C12orf75: variants seen among roughly 807,000 people sequenced by gnomAD.
C12orf75 encodes overexpressed in colon carcinoma 1 protein.
C12orf75 carries 4 observed loss-of-function variants against 11.4 expected under a neutral mutation model. The observed-to-expected ratio is 0.35, with a 90% CI of 0.17 to 0.80. C12orf75 has a LOEUF of 0.80. C12orf75 is among the 30% of genes least tolerant of loss of function. The pLI, the probability that C12orf75 is intolerant of heterozygous loss-of-function variation, is 0.52. For synonymous variants in C12orf75, 30 were observed against 30.0 expected (o/e 1.00, Z 0.00); for missense variants, 89 against 80.4 (o/e 1.11, Z -0.41).
chr12:105,336,132 A>G (rs1020807726), intron 1 of C12orf75, among the ~76,000 whole-genome samples: 2 of 152,260 alleles, frequency 1.3e-5, no homozygotes, highest in Non-Finnish European at 2.9e-5. Context: ...GAAGTCCTAG[A>G]GACAGAAATG....
chr12:105,364,526 C>G (rs1481691116), intron 2 of C12orf75, among the ~76,000 whole-genome samples: 3 of 152,108 alleles, frequency 2.0e-5, no homozygotes, highest in Non-Finnish European at 1.5e-5. Flanking sequence ...CTGGCTGTTG[C>G]AATAAAGCAA....
intron 1 of C12orf75, among the ~76,000 whole-genome samples, chr12:105,345,148 A>G (rs965712204): frequency 5.3e-5 from 8 of 152,120 alleles, no homozygotes; most frequent in Admixed American, 1.3e-4. Flanking sequence ...TAAGACTGAC[A>G]AAGCAGACTC....
intron 1 of C12orf75, among the ~76,000 whole-genome samples, chr12:105,339,842 G>A (rs997126447): frequency 6.6e-6 from 1 of 151,688 alleles, no homozygotes; most frequent in African/African-American, 2.4e-5. Flanking sequence ...GGATGGTCTC[G>A]ATCTCCTGAC....
intron 1 of C12orf75, among the ~76,000 whole-genome samples, chr12:105,337,540 C>T (rs1892512148): frequency 6.6e-6 from 1 of 152,124 alleles, no homozygotes; most frequent in African/African-American, 2.4e-5. Context: ...GCATCTAAAA[C>T]ATCTTTGGGC....
chr12:105,347,024 A>G (rs1892649656), intron 1 of C12orf75, among the ~76,000 whole-genome samples: 2 of 152,238 alleles, frequency 1.3e-5, no homozygotes, highest in African/African-American at 4.8e-5. Flanking sequence ...AACCTTTGAG[A>G]AAGATACCTT....
chr12:105,356,250 G>C (rs1041852271), intron 2 of C12orf75, among the ~76,000 whole-genome samples: 5 of 152,100 alleles, frequency 3.3e-5, no homozygotes, highest in Non-Finnish European at 5.9e-5. Flanking sequence ...GAGAATTGTA[G>C]TGTAGATGGA....
chr12:105,330,882 C>T lies in C12orf75; in HGVS notation c.-10C>T, dbSNP rs1344436048. 2.4e-6 allele frequency: 3 copies of T among 1,254,378 alleles called. No individual in the cohort carries two copies. Among genetic ancestry groups the T allele is most frequent in the South Asian group, 3.2e-5 (1 of 31,332 alleles). The allele number at this position is 1,254,378 out of a possible 1,614,324, so 77.7% of individuals were successfully genotyped here. ...AGCTCCGGAGCGCGGCTTCCCCGGCCGGCTGCGCGATGGGCTGCGGGAACT... is the reference window on the plus strand; with the variant it reads ...AGCTCCGGAGCGCGGCTTCCCCGGCTGGCTGCGCGATGGGCTGCGGGAACT... On this transcript the variant is annotated 5_prime_UTR_variant, in exon 1 of 6. Coordinates refer to ENST00000443585, the MANE Select transcript of C12orf75 (RefSeq NM_001145199.2).
At chr12:105,332,898 A>C (rs576073134) in intron 1 of C12orf75, among the ~76,000 whole-genome samples, 17 of 150,956 alleles carry the variant, frequency 1.1e-4, no homozygotes, top group African/African-American at 3.9e-4. Flanking sequence ...CCCTAGGAGC[A>C]TCTCTCTTAT....
intron 2 of C12orf75, among the ~76,000 whole-genome samples, chr12:105,354,875 C>T (rs964693244): frequency 2.0e-5 from 3 of 151,998 alleles, no homozygotes; most frequent in Non-Finnish European, 2.9e-5. Flanking sequence ...AAGGGAAACA[C>T]GAGGGGCTGA....
chr12:105,331,527 A>G (rs887866053), intron 1 of C12orf75, among the ~76,000 whole-genome samples: 5 of 152,020 alleles, frequency 3.3e-5, no homozygotes, highest in African/African-American at 1.2e-4. Flanking sequence ...TGCAGCAGTA[A>G]GGATGTTTTA....
At chr12:105,342,755 C>T (rs957264755) in intron 1 of C12orf75, among the ~76,000 whole-genome samples, 1 of 152,230 alleles carries the variant, frequency 6.6e-6, no homozygotes, top group African/African-American at 2.4e-5. Flanking sequence ...GCTCCTGTCA[C>T]TCATCACTCA....
At chr12:105,339,913 C>T (rs1892546684) in intron 1 of C12orf75, among the ~76,000 whole-genome samples, 1 of 151,954 alleles carries the variant, frequency 6.6e-6, no homozygotes, top group African/African-American at 2.4e-5. Flanking sequence ...AGCCACCATG[C>T]CTGGCCCTTG....
At chr12:105,356,163 G>A (rs1234140632) in intron 2 of C12orf75, among the ~76,000 whole-genome samples, 1 of 152,236 alleles carries the variant, frequency 6.6e-6, no homozygotes, top group Non-Finnish European at 1.5e-5. Context: ...TGCTAGAATG[G>A]ATTGAAACCA....
At position 105,355,568 on chromosome 12, in the gene C12orf75, G is replaced by A. The variant is rs569062132; in HGVS notation, c.71+6942G>A. Among the ~76,000 whole-genome samples the A allele has an allele frequency of 8.6e-4, 131 of 152,272 alleles. 1 individual carries two copies. In the South Asian group the frequency reaches 0.011, roughly 13 times the overall value. ...GGTGCTCTGGGGACAGTTATGGCAGGGTTTAGACTCCAGAGAGGAGAGGTT... is the reference window on the plus strand; with the variant it reads ...GGTGCTCTGGGGACAGTTATGGCAGAGTTTAGACTCCAGAGAGGAGAGGTT... On this transcript the variant is annotated intron_variant, in intron 2 of 5. Transcript: ENST00000443585.
chr12:105,355,162 C>CT (rs1892760608), intron 2 of C12orf75, among the ~76,000 whole-genome samples: 1 of 101,298 alleles, frequency 9.9e-6, no homozygotes, highest in African/African-American at 4.0e-5. Context: ...TCACGAATTT[C>CT]TTTTTCTTTT....
At chr12:105,336,486 C>T (rs895795010) in intron 1 of C12orf75, among the ~76,000 whole-genome samples, 1 of 152,144 alleles carries the variant, frequency 6.6e-6, no homozygotes, top group African/African-American at 2.4e-5. Flanking sequence ...TTGTAAGTAC[C>T]CAATATACTA....
At chr12:105,334,331 T>C (rs891215874) in intron 1 of C12orf75, among the ~76,000 whole-genome samples, 2 of 152,202 alleles carry the variant, frequency 1.3e-5, no homozygotes, top group Non-Finnish European at 2.9e-5. Context: ...GTAGGAAGAT[T>C]AAGCAATTGA....
intron 1 of C12orf75, among the ~76,000 whole-genome samples, chr12:105,335,324 C>A (rs931688027): frequency 6.6e-6 from 1 of 152,174 alleles, no homozygotes; most frequent in African/African-American, 2.4e-5. Flanking sequence ...TTAATTACAT[C>A]TGTAAATGGT....
At chr12:105,370,272 A>G (rs1871591216) in intron 5 of C12orf75, among the ~76,000 whole-genome samples, 1 of 152,188 alleles carries the variant, frequency 6.6e-6, no homozygotes, top group African/African-American at 2.4e-5. Flanking sequence ...GTGGAGGCCT[A>G]GGCTCTCCCA....
Sources: allele counts gnomAD v4.1 joint callset (sites outside exome capture counted in the v4.1 genomes callset), GRCh38; gene constraint gnomAD v4.1.1; transcripts MANE v1.5; gene names NCBI Gene and HGNC (gene_info 2026-07-23, HGNC 2026-07-21).